GRM8: variants seen among roughly 807,000 people sequenced by gnomAD.
GRM8 encodes the protein metabotropic glutamate receptor 8.
In GRM8, 47 loss-of-function variants were observed where a neutral mutation model predicts 87.2. The ratio of observed to expected loss-of-function variants is 0.54; its 90% confidence interval spans 0.43 to 0.69. The LOEUF is 0.69. GRM8 is among the 30% of genes least tolerant of loss of function. The pLI, the probability that GRM8 is intolerant of heterozygous loss-of-function variation, is 0.00. For missense variants in GRM8, 1,019 were observed against 1,139.2 expected (o/e 0.89, Z 1.52); for synonymous variants, 396 against 404.5 (o/e 0.98, Z 0.25).
At chr7:126,504,678 A>G (rs973341398) in intron 9 of GRM8, among the ~76,000 whole-genome samples, 3 of 152,088 alleles carry the variant, frequency 2.0e-5, no homozygotes, top group Non-Finnish European at 4.4e-5. Context: ...TACATCTTTA[A>G]TCAATCAATG....
intron 6 of GRM8, among the ~76,000 whole-genome samples, chr7:126,833,372 T>A (rs1233945170): frequency 1.3e-5 from 2 of 152,224 alleles, no homozygotes; most frequent in African/African-American, 4.8e-5. Context: ...TAACTCCAGC[T>A]ATGTCCAGAT....
chr7:127,206,632 C>A (rs1237590971), intron 2 of GRM8, among the ~76,000 whole-genome samples: 2 of 145,270 alleles, frequency 1.4e-5, no homozygotes, highest in African/African-American at 2.9e-5. Context: ...TCAGAAAACT[C>A]CCAGGCACAT....
At chr7:126,905,140 A>G (rs1432055395) in intron 3 of GRM8, among the ~76,000 whole-genome samples, 1 of 152,226 alleles carries the variant, frequency 6.6e-6, no homozygotes, top group Non-Finnish European at 1.5e-5. Flanking sequence ...ATTTCATTGT[A>G]TAGCTAATAG....
At chr7:127,112,988 G>T (rs1045410116) in intron 2 of GRM8, among the ~76,000 whole-genome samples, 3 of 152,100 alleles carry the variant, frequency 2.0e-5, no homozygotes, top group Non-Finnish European at 2.9e-5. Flanking sequence ...AGGGAAAAAA[G>T]TGCTTACATC....
chr7:126,791,710 G>A (rs1006450866), intron 6 of GRM8, among the ~76,000 whole-genome samples: 5 of 152,202 alleles, frequency 3.3e-5, no homozygotes, highest in South Asian at 2.1e-4. Flanking sequence ...ATAGCTCTTG[G>A]TCACAGCTTG....
chr7:127,059,346 G>GT (rs1181227525), intron 3 of GRM8, among the ~76,000 whole-genome samples: 1,655 of 90,966 alleles, frequency 0.018, 25 homozygotes, highest in African/African-American at 0.063. Flanking sequence ...TTTTTTTTTT[G>GT]TTTTTTTTGA....
At chr7:126,591,693 A>T (rs1297468960) in intron 8 of GRM8, among the ~76,000 whole-genome samples, 1 of 151,932 alleles carries the variant, frequency 6.6e-6, no homozygotes, top group Non-Finnish European at 1.5e-5. Context: ...GTCTAAGGTA[A>T]ACAACCTAAC....
chr7:126,697,122 C>T (rs770703956), intron 7 of GRM8, among the ~76,000 whole-genome samples: 5 of 145,222 alleles, frequency 3.4e-5, no homozygotes, highest in Admixed American at 6.9e-5. Context: ...ATAAGCCAGG[C>T]ACAGAAAGAC....
intron 6 of GRM8, among the ~76,000 whole-genome samples, chr7:126,805,374 C>T (rs1792571689): frequency 6.6e-6 from 1 of 152,220 alleles, no homozygotes; most frequent in South Asian, 2.1e-4. Context: ...TTGAACAAAG[C>T]TTCCGCATCC....
At chr7:126,981,299 TC>T (rs1417974390) in intron 3 of GRM8, 1 of 152,266 alleles carries the variant, frequency 6.6e-6, no homozygotes, top group African/African-American at 2.4e-5. Context: ...AAGCAACAAG[TC>T]TTCTCCTATG....
intron 2 of GRM8, among the ~76,000 whole-genome samples, chr7:127,156,727 G>C (rs1792754839): frequency 6.6e-6 from 1 of 151,938 alleles, no homozygotes; most frequent in South Asian, 2.1e-4. Flanking sequence ...CAATAAATCA[G>C]AACTAATGAA....
At chr7:126,524,753 G>T (rs1293106234) in intron 9 of GRM8, among the ~76,000 whole-genome samples, 1 of 151,682 alleles carries the variant, frequency 6.6e-6, no homozygotes, top group East Asian at 1.9e-4. Context: ...TCTCTGCTCT[G>T]GTTCTATGTT....
chr7:127,238,305 CATGT>C (rs1798094072), intron 2 of GRM8, among the ~76,000 whole-genome samples: 2 of 129,124 alleles, frequency 1.5e-5, no homozygotes, highest in African/African-American at 6.3e-5. Context: ...TGTGTGTGTG[CATGT>C]GTGTGTGTGT....
chr7:127,015,640 G>A (rs1379843492), intron 3 of GRM8, among the ~76,000 whole-genome samples: 1 of 152,028 alleles, frequency 6.6e-6, no homozygotes, highest in African/African-American at 2.4e-5. Context: ...ACATGAATCT[G>A]GCTGCTTATC....
intron 3 of GRM8, among the ~76,000 whole-genome samples, chr7:127,012,924 C>T (rs958119746): frequency 6.6e-6 from 1 of 152,236 alleles, no homozygotes; most frequent in East Asian, 1.9e-4. Flanking sequence ...CCTACTGCAG[C>T]CTTCTTGCAG....
chr7:127,096,831 G>A (rs17866351), intron 3 of GRM8, among the ~76,000 whole-genome samples: 13,117 of 152,132 alleles, frequency 0.086, 1,876 homozygotes, highest in African/African-American at 0.3. Context: ...ATAGGTTTTG[G>A]TATTTGCTAG....
chr7:126,846,411 T>C (rs1796715990), intron 6 of GRM8, among the ~76,000 whole-genome samples: 1 of 152,268 alleles, frequency 6.6e-6, no homozygotes, highest in Non-Finnish European at 1.5e-5. Flanking sequence ...TGAACTTAAG[T>C]GTAATGGTAT....
chr7:126,451,960 G>A (rs986299132), intron 9 of GRM8, among the ~76,000 whole-genome samples: 1 of 151,586 alleles, frequency 6.6e-6, no homozygotes, highest in African/African-American at 2.4e-5. Context: ...AATGTATGTG[G>A]TACCTATTTC....
At chr7:126,637,528 A>AACC (rs1309343408) in intron 7 of GRM8, among the ~76,000 whole-genome samples, 2 of 152,298 alleles carry the variant, frequency 1.3e-5, no homozygotes, top group African/African-American at 4.8e-5. Context: ...CCAGATAACA[A>AACC]ACCACCAAAA....
Sources: allele counts gnomAD v4.1 joint callset (sites outside exome capture counted in the v4.1 genomes callset), GRCh38; gene constraint gnomAD v4.1.1; transcripts MANE v1.5; gene names NCBI Gene and HGNC (gene_info 2026-07-23, HGNC 2026-07-21).